The following CPS1 variants were observed in gnomAD, a reference collection of about 807,000 sequenced individuals.
CPS1 encodes the protein carbamoyl-phosphate synthase 1.
CPS1 carries 109 observed loss-of-function variants against 174.6 expected under a neutral mutation model. The ratio of observed to expected loss-of-function variants is 0.62; its 90% CI spans 0.53 to 0.73. CPS1 has a LOEUF of 0.73. Among genes scored for constraint, CPS1 ranks in the 30% least tolerant of loss-of-function variants. The pLI is 0.00. For missense variants in CPS1, 1,689 were observed against 1,821.9 expected (o/e 0.93, Z 1.33); for synonymous variants, 637 against 632.0 (o/e 1.01, Z -0.12).
chr2:210,542,479 C>A (rs1330152273), intron 1 of CPS1, among the ~76,000 whole-genome samples: 1 of 152,068 alleles, frequency 6.6e-6, no homozygotes, highest in Non-Finnish European at 1.5e-5. Context: ...AGTAAACAAA[C>A]CTTCAGTAAG....
At position 210,656,647 on chromosome 2, in the gene CPS1, A is replaced by C; in HGVS notation, c.3666+15A>C. The stretch of plus-strand genomic sequence containing the variant: ...CCATTGAAAAGGTCATCATTTATAA[A>C]TAAAAGTGGAAGGGAAAAGGCAACA... On this transcript the variant is annotated intron_variant, in intron 30 of 37. Transcript: ENST00000233072. The C allele has an allele frequency of 1.3e-6, 2 of 1,594,762 alleles. No individual in the cohort carries two copies. The highest frequency in any genetic ancestry group is 1.7e-6 in the Non-Finnish European group (2 of 1,162,500).
chr2:210,527,993 A>G (rs983049141), intron 1 of CPS1, among the ~76,000 whole-genome samples: 3 of 151,952 alleles, frequency 2.0e-5, no homozygotes, highest in African/African-American at 7.2e-5. Context: ...TGGTGTTCTT[A>G]GGAATGATCA....
intron 4 of CPS1, among the ~76,000 whole-genome samples, 193 bp from the exon 5 acceptor site, chr2:210,579,519 TAA>T (rs1381876587): frequency 6.6e-6 from 1 of 152,140 alleles, no homozygotes; most frequent in African/African-American, 2.4e-5. Context: ...ACCTGGGTAT[TAA>T]GAGTCCTATG....
intron 21 of CPS1, among the ~76,000 whole-genome samples, chr2:210,629,286 A>G (rs13005394): frequency 0.13 from 19,641 of 152,218 alleles, 1,342 homozygotes; most frequent in East Asian, 0.27. Flanking sequence ...TGGCTCAAGC[A>G]AAAGCTATTT....
chr2:210,631,933 T>C (rs573007706), intron 21 of CPS1, among the ~76,000 whole-genome samples: 1 of 152,334 alleles, frequency 6.6e-6, no homozygotes, highest in East Asian at 1.9e-4. Flanking sequence ...TTGTGTGCTT[T>C]TGTGCAATAT....
At chr2:210,629,345 C>T (rs527634383) in intron 21 of CPS1, among the ~76,000 whole-genome samples, 29 of 151,912 alleles carry the variant, frequency 1.9e-4, no homozygotes, top group Admixed American at 5.9e-4. Flanking sequence ...GACGGAGTCT[C>T]GCTCTGTCGC....
Position 210,602,229 on chromosome 2 carries a change from A to G in CPS1, c.1735A>G (p.Thr579Ala). The change falls in exon 16 of 38, where the codon ACC becomes GCC. Residue 579 changes from threonine to alanine, a missense_variant. Thr to Ala is a moderately conservative substitution (Grantham distance 58). Transcript: ENST00000233072. ...SIEDALKAAD[T>A]IGYPVMIRSA... ...TGAGGATGCACTGAAGGCAGCAGAC[A>G]CCATTGGCTACCCAGTGATGATCCG... 2.5e-6 allele frequency: 4 copies of G among 1,612,480 alleles called. No homozygotes were observed. Among genetic ancestry groups the G allele is most frequent in the Non-Finnish European group, 3.4e-6 (4 of 1,179,074 alleles).
At chr2:210,529,754 G>C (rs1696070838) in intron 1 of CPS1, among the ~76,000 whole-genome samples, 1 of 151,896 alleles carries the variant, frequency 6.6e-6, no homozygotes, top group African/African-American at 2.4e-5. Flanking sequence ...CCTTATTGTG[G>C]AGATGGATGA....
chr2:210,567,049 C>T (rs1182566870), intron 1 of CPS1, among the ~76,000 whole-genome samples: 1 of 151,954 alleles, frequency 6.6e-6, no homozygotes, highest in Admixed American at 6.6e-5. Flanking sequence ...ATATGCAACC[C>T]AGTTTATGTT....
chr2:210,572,534 T>A (rs879400576), intron 1 of CPS1, among the ~76,000 whole-genome samples: 2 of 152,062 alleles, frequency 1.3e-5, no homozygotes, highest in Non-Finnish European at 2.9e-5. Context: ...GCTTCTTAAA[T>A]GTTTTTCCAG....
chr2:210,481,446 G>C (rs1694567471), intron 1 of CPS1, among the ~76,000 whole-genome samples: 1 of 152,164 alleles, frequency 6.6e-6, no homozygotes, highest in African/African-American at 2.4e-5. Context: ...TAATCAAGTG[G>C]ATTGTTTTTG....
chr2:210,630,728 C>G (rs1699839771), intron 21 of CPS1, among the ~76,000 whole-genome samples: 1 of 152,154 alleles, frequency 6.6e-6, no homozygotes, highest in African/African-American at 2.4e-5. Context: ...TTCTAAATGC[C>G]ACTTCTATTT....
At chr2:210,652,031 C>G (rs1700575473) in intron 28 of CPS1, among the ~76,000 whole-genome samples, 2 of 152,146 alleles carry the variant, frequency 1.3e-5, no homozygotes, top group South Asian at 4.1e-4. Context: ...GTGTGAAAGT[C>G]TTGGGCTCCA....
chr2:210,500,860 C>T (rs947852516), intron 1 of CPS1, among the ~76,000 whole-genome samples: 1 of 152,216 alleles, frequency 6.6e-6, no homozygotes, highest in African/African-American at 2.4e-5. Flanking sequence ...GGGGCTCCAA[C>T]CCCATCTTTC....
intron 1 of CPS1, among the ~76,000 whole-genome samples, chr2:210,516,737 A>C (rs138565895): frequency 2.4e-4 from 36 of 152,022 alleles, no homozygotes; most frequent in African/African-American, 8.2e-4. Context: ...AGGTCTTGCT[A>C]TCTTTATATA....
intron 25 of CPS1, among the ~76,000 whole-genome samples, chr2:210,645,827 C>T (rs1184615629): frequency 6.6e-6 from 1 of 152,134 alleles, no homozygotes; most frequent in African/African-American, 2.4e-5. Context: ...CTTTACTGAG[C>T]CTCAGTTTCT....
chr2:210,564,909 T>C (rs1697250402), intron 1 of CPS1, among the ~76,000 whole-genome samples: 1 of 151,868 alleles, frequency 6.6e-6, no homozygotes, highest in African/African-American at 2.4e-5. Flanking sequence ...ACAGGAGAAT[T>C]GCTTGAACCT....
upstream of CPS1, among the ~76,000 whole-genome samples, chr2:210,552,036 A>G (rs1304030704): frequency 1.3e-5 from 2 of 151,942 alleles, no homozygotes; most frequent in African/African-American, 4.8e-5. Context: ...TTCTTCATCC[A>G]TATCTTTAAT....
chr2:210,508,774 A>G (rs2105971813), intron 1 of CPS1, among the ~76,000 whole-genome samples: 1 of 152,354 alleles, frequency 6.6e-6, no homozygotes, highest in South Asian at 2.1e-4. Context: ...AAACTAGAAA[A>G]TCTAGAAGAA....
Sources: gnomAD v4.1 joint callset for allele counts (sites outside exome capture counted in the v4.1 genomes callset) on GRCh38, gnomAD v4.1.1 for gene constraint, MANE v1.5 for transcripts, NCBI Gene and HGNC (gene_info 2026-07-23, HGNC 2026-07-21) for gene names.